Variants in FHIP1A observed in about 807,000 individuals in gnomAD.
The protein encoded by FHIP1A is FHF complex subunit HOOK interacting protein 1A.
FHIP1A carries 61 observed loss-of-function variants against 88.6 expected under a neutral mutation model. That is an observed-to-expected ratio of 0.69 (90% CI 0.56 to 0.85). FHIP1A has a LOEUF of 0.85. Ranked by LOEUF, FHIP1A falls within the 40% of genes least tolerant of loss-of-function variation. FHIP1A has a pLI of 0.00. For synonymous variants in FHIP1A, 478 were observed against 496.0 expected (o/e 0.96, Z 0.48); for missense variants, 1,154 against 1,273.5 (o/e 0.91, Z 1.43).
At chr4:151,559,754 A>G (rs190855637) in intron 3 of FHIP1A, among the ~76,000 whole-genome samples, 1 of 152,184 alleles carries the variant, frequency 6.6e-6, no homozygotes, top group Non-Finnish European at 1.5e-5. Flanking sequence ...GTAGCTATAG[A>G]TAGAGAGTTA....
chr4:151,588,146 TTTTG>T (rs573790787), intron 6 of FHIP1A, among the ~76,000 whole-genome samples: 155 of 152,206 alleles, frequency 1.0e-3, no homozygotes, highest in Admixed American at 5.7e-3. Flanking sequence ...TTTTAAGGTT[TTTTG>T]TTTGGGGAAG....
rs1478170307 is a variant in FHIP1A at position 151,665,583 on chromosome 4, A to G, written c.*2829A>G. On this transcript the variant is annotated 3_prime_UTR_variant, in exon 14 of 14. Transcript: ENST00000435205. ...AGTGACGTGGACATGCCAAAGAAAAACAGCAGAGAACTGAGTCTATCCACG... is the reference window on the plus strand; with the variant it reads ...AGTGACGTGGACATGCCAAAGAAAAGCAGCAGAGAACTGAGTCTATCCACG... Among the ~76,000 whole-genome samples, 1 of 152,178 alleles carries G rather than the reference A, an allele frequency of 6.6e-6. No individual in the cohort carries two copies. Among genetic ancestry groups the G allele is most frequent in the African/African-American group, 2.4e-5 (1 of 41,434 alleles).
intron 3 of FHIP1A, among the ~76,000 whole-genome samples, chr4:151,551,430 A>G (rs1286772124): frequency 1.3e-5 from 2 of 152,228 alleles, no homozygotes; most frequent in African/African-American, 2.4e-5. Flanking sequence ...CTGACTTCAA[A>G]CTATACTATA....
chr4:151,424,896 G>A lies in FHIP1A; in HGVS notation c.-356+15431G>A, dbSNP rs185044799. ...TTTAGAAAAATTCCAGTTAATAAAC[G>A]CAAAATGAGTGATACAAATAAAATA... On this transcript the variant is annotated intron_variant, in intron 1 of 13. Coordinates refer to ENST00000435205, the MANE Select transcript of FHIP1A (RefSeq NM_001109977.3). 1.6e-3 allele frequency among the ~76,000 whole-genome samples: 243 copies of A among 151,246 alleles called. 2 individuals are homozygous for A. The highest frequency in any genetic ancestry group is 0.014 in the Admixed American group (216 of 15,196).
At chr4:151,595,869 T>G (rs1176669143) in intron 7 of FHIP1A, among the ~76,000 whole-genome samples, 1 of 152,220 alleles carries the variant, frequency 6.6e-6, no homozygotes, top group Non-Finnish European at 1.5e-5. Context: ...TTGCTTTCCA[T>G]TTGCTTGGTA....
chr4:151,664,517 T>G lies in FHIP1A; in HGVS notation c.*1763T>G, dbSNP rs553457433. Among the ~76,000 whole-genome samples, 15 of 152,362 alleles carry G rather than the reference T, an allele frequency of 9.8e-5. No homozygotes were observed. Among genetic ancestry groups the G allele is most frequent in the African/African-American group, 3.6e-4 (15 of 41,580 alleles). On this transcript the variant is annotated 3_prime_UTR_variant, in exon 14 of 14. Coordinates refer to ENST00000435205, the MANE Select transcript of FHIP1A (RefSeq NM_001109977.3). Reference sequence around the variant, plus strand: ...TTCCTACTCACTGTACATTTCTGTTTGTCTTGACAAATGGTTTGCTCAGCT... The same window carrying G: ...TTCCTACTCACTGTACATTTCTGTTGGTCTTGACAAATGGTTTGCTCAGCT...
At chr4:151,507,645 G>T (rs1004897701) in intron 3 of FHIP1A, among the ~76,000 whole-genome samples, 1 of 151,954 alleles carries the variant, frequency 6.6e-6, no homozygotes, top group African/African-American at 2.4e-5. Context: ...TGCTTTCTTG[G>T]CTATTAAGTG....
At chr4:151,544,994 G>T (rs1372837434) in intron 3 of FHIP1A, among the ~76,000 whole-genome samples, 1 of 152,136 alleles carries the variant, frequency 6.6e-6, no homozygotes, top group Non-Finnish European at 1.5e-5. Flanking sequence ...AGGACCACTT[G>T]AGCCCTGGAG....
chr4:151,623,138 A>G (rs1735811013), intron 7 of FHIP1A, among the ~76,000 whole-genome samples: 1 of 152,236 alleles, frequency 6.6e-6, no homozygotes, highest in Non-Finnish European at 1.5e-5. Context: ...ACATAGGACC[A>G]TTTTTATTGG....
rs556337198 is a variant in FHIP1A at position 151,442,421 on chromosome 4, G to A, written c.-355-12280G>A. On this transcript the variant is annotated intron_variant, in intron 1 of 13. Coordinates refer to ENST00000435205, the MANE Select transcript of FHIP1A (RefSeq NM_001109977.3). ...TATATGGCACTGGTAGACCCATGAG[G>A]GACTGTGGCATGGGCTGGAAATAGA... 2.6e-5 allele frequency among the ~76,000 whole-genome samples: 4 copies of A among 152,212 alleles called. No individual in the cohort carries two copies. In the South Asian group the frequency reaches 8.3e-4, roughly 32 times the overall value.
Position 151,650,305 on chromosome 4 carries a change from A to G in FHIP1A, c.2264A>G (p.Tyr755Cys). Residue 755 changes from tyrosine (Y) to cysteine (C), a missense_variant, in exon 11 of 14, where the codon TAT (tyrosine) becomes TGT (cysteine). Transcript: ENST00000435205. The stretch of plus-strand genomic sequence containing the variant: ...GAGAGCGAGGAGCTCATTGCCCAGT[A>G]TGACCAAATCATTAAAGAGCTGGAT... ...HPESEELIAQ[Y>C]DQIIKELDSG... 1.3e-6 allele frequency: 2 copies of G among 1,551,726 alleles called. No homozygotes were observed. The highest frequency in any genetic ancestry group is 1.7e-6 in the Non-Finnish European group (2 of 1,147,006).
Position 151,650,279 on chromosome 4 carries a change from G to A in FHIP1A, c.2238G>A (p.Pro746=), listed in dbSNP as rs375805540. The part of the protein sequence containing the change: ...EHSSNLTAAH[P]ESEELIAQYD... ...GCTCTAACCTGACAGCCGCCCACCC[G>A]GAGAGCGAGGAGCTCATTGCCCAGT... Residue 746 remains proline, a synonymous_variant, in exon 11 of 14, where the codon CCG becomes CCA. Coordinates refer to ENST00000435205, the MANE Select transcript of FHIP1A (RefSeq NM_001109977.3). 4.5e-6 allele frequency: 7 copies of A among 1,551,680 alleles called. No individual in the cohort carries two copies. The highest frequency in any genetic ancestry group is 2.4e-5 in the East Asian group (1 of 40,912).
At position 151,602,600 on chromosome 4, in the gene FHIP1A, C is replaced by T. The variant is rs1012779328; in HGVS notation, c.978+13674C>T. Among the ~76,000 whole-genome samples, 3 of 152,104 alleles carry T rather than the reference C, an allele frequency of 2.0e-5. No homozygotes were observed. The East Asian group carries it at 5.8e-4, about 29-fold the overall frequency. On this transcript the variant is annotated intron_variant, in intron 7 of 13. Transcript: ENST00000435205. ...GGAGGAGTGTGTTTGGATGAAAGTA[C>T]GCCAGGAGAGCTGTGATGTCCAAAA...
At chr4:151,633,621 T>C (rs1233783412) in intron 8 of FHIP1A, among the ~76,000 whole-genome samples, 1 of 151,952 alleles carries the variant, frequency 6.6e-6, no homozygotes, top group East Asian at 1.9e-4. Flanking sequence ...CAAGTGTGAC[T>C]TATTCCTAGA....
In FHIP1A at chr4:151,667,078, A is replaced by G. The variant is rs1363513426; in HGVS notation, c.*4324A>G. 6.6e-6 allele frequency: 1 copy of G among 152,182 alleles called. No individual in the cohort carries two copies. Among genetic ancestry groups the G allele is most frequent in the Non-Finnish European group, 1.5e-5 (1 of 68,034 alleles). 9.4% of individuals were successfully genotyped at this position (152,182 alleles called of 1,614,324 possible). The stretch of plus-strand genomic sequence containing the variant: ...TGAAACACTTTATTGCAGGTCAGCT[A>G]TTATTGCACGTGCTACTTCAAGTCA... On this transcript the variant is annotated 3_prime_UTR_variant, in exon 14 of 14. Transcript: ENST00000435205.
At chr4:151,498,276 C>T (rs549198356) in intron 3 of FHIP1A, among the ~76,000 whole-genome samples, 52 of 152,292 alleles carry the variant, frequency 3.4e-4, no homozygotes, top group African/African-American at 1.3e-3. Context: ...ATGTTTGGTA[C>T]CCGTATGAAT....
At chr4:151,633,871 G>C (rs1736249066) in intron 8 of FHIP1A, among the ~76,000 whole-genome samples, 1 of 151,876 alleles carries the variant, frequency 6.6e-6, no homozygotes, top group Non-Finnish European at 1.5e-5. Context: ...AAGACTAAAA[G>C]CTTTTTCTCT....
intron 8 of FHIP1A, among the ~76,000 whole-genome samples, chr4:151,632,224 A>G (rs1298785646): frequency 6.6e-6 from 1 of 152,016 alleles, no homozygotes; most frequent in Non-Finnish European, 1.5e-5. Context: ...TTAATGATAA[A>G]AGGGTCAATT....
intron 3 of FHIP1A, among the ~76,000 whole-genome samples, chr4:151,542,232 C>T (rs1732321827): frequency 6.6e-6 from 1 of 152,028 alleles, no homozygotes; most frequent in Non-Finnish European, 1.5e-5. Flanking sequence ...TTGTGCTGCT[C>T]TTGGTTAGGT....
Sources: gnomAD v4.1 joint callset for allele counts (sites outside exome capture counted in the v4.1 genomes callset) on GRCh38, gnomAD v4.1.1 for gene constraint, MANE v1.5 for transcripts, NCBI Gene and HGNC (gene_info 2026-07-23, HGNC 2026-07-21) for gene names.